Variants in EIF3M observed in about 807,000 individuals in gnomAD.
EIF3M encodes the protein B5 receptor.
A neutral mutation model predicts 49.7 loss-of-function variants in EIF3M; 25 were observed. The ratio of observed to expected loss-of-function variants is 0.50; its 90% CI spans 0.37 to 0.70. The LOEUF is 0.70. Ranked by LOEUF, EIF3M falls within the 30% of genes least tolerant of loss-of-function variation. The pLI, the probability that EIF3M is intolerant of heterozygous loss-of-function variation, is 0.00. For missense variants in EIF3M, 350 were observed against 440.0 expected, an observed-to-expected ratio of 0.80 and a Z score of 1.83; for synonymous variants, 156 against 149.8, an observed-to-expected ratio of 1.04 and a Z score of -0.30.
intron 5 of EIF3M, among the ~76,000 whole-genome samples, chr11:32,590,370 C>A (rs945983415): frequency 2.0e-5 from 3 of 152,148 alleles, no homozygotes; most frequent in Admixed American, 2.0e-4. Context: ...CTCTCTGGCC[C>A]TTTATAGAAC....
chr11:32,597,078 G>GT (rs1855192489), intron 8 of EIF3M, among the ~76,000 whole-genome samples: 1 of 152,134 alleles, frequency 6.6e-6, no homozygotes. Context: ...TGGTACATTT[G>GT]TTTTTAAAAT....
intron 10 of EIF3M, 62 bp downstream of exon 10, chr11:32,601,884 C>A: frequency 6.4e-7 from 1 of 1,554,124 alleles, no homozygotes; most frequent in Non-Finnish European, 8.8e-7. Flanking sequence ...GATTATTTCA[C>A]TTAAATGTTT....
chr11:32,595,838 G>C, intron 7 of EIF3M, 128 bp from the exon 8 acceptor site: 1 of 666,352 alleles, frequency 1.5e-6, no homozygotes, highest in East Asian at 3.2e-5. Context: ...GAAACAGAAT[G>C]ATATTTCTGC....
chr11:32,592,249 C>G, intron 5 of EIF3M: 1 of 422,648 alleles, frequency 2.4e-6, no homozygotes, highest in South Asian at 2.0e-5. Context: ...TTAAAAAGGG[C>G]CCTTTTCACT....
rs994304133 is a variant in EIF3M, at chr11:32,601,792, T to C, written c.974T>C (p.Ile325Thr). Reference sequence around the variant, plus strand: ...AGAACTAAAATGGTCTACTGCAAAATTGATCAGACCCAGAGAAAAGTAGTT... The same window carrying C: ...AGAACTAAAATGGTCTACTGCAAAACTGATCAGACCCAGAGAAAAGTAGTT... ...AVRTKMVYCK[I>T]DQTQRKVVVS... Residue 325 changes from isoleucine to threonine, a missense_variant, in exon 10 of 11, where the codon ATT becomes ACT. Coordinates refer to ENST00000531120, the MANE Select transcript of EIF3M (RefSeq NM_006360.6). 4 of 1,612,830 alleles carry C rather than the reference T, an allele frequency of 2.5e-6. No homozygotes were observed. The highest frequency in any genetic ancestry group is 2.2e-5 in the South Asian group (2 of 91,014).
intron 1 of EIF3M, among the ~76,000 whole-genome samples, chr11:32,586,595 A>T (rs555579729): frequency 9.8e-5 from 15 of 152,342 alleles, no homozygotes; most frequent in African/African-American, 3.4e-4. Flanking sequence ...AGCTGTGGTT[A>T]TGTGTGTACT....
At chr11:32,587,612 T>G (rs1855021345) in intron 2 of EIF3M, among the ~76,000 whole-genome samples, 1 of 152,230 alleles carries the variant, frequency 6.6e-6, no homozygotes, top group Non-Finnish European at 1.5e-5. Context: ...ATTTCTTAAG[T>G]GTTATTACAC....
At chr11:32,598,115 G>C (rs1590527068) in intron 8 of EIF3M, among the ~76,000 whole-genome samples, 1 of 152,150 alleles carries the variant, frequency 6.6e-6, no homozygotes, top group Admixed American at 6.5e-5. Context: ...CTATGTGATG[G>C]AATGTTAATG....
At chr11:32,598,512 C>T (rs1469833520) in intron 8 of EIF3M, among the ~76,000 whole-genome samples, 1 of 151,986 alleles carries the variant, frequency 6.6e-6, no homozygotes, top group East Asian at 1.9e-4. Context: ...ACTTCACTGC[C>T]TTAGTAGTTT....
chr11:32,596,958 T>TC (rs1253349018), intron 8 of EIF3M, among the ~76,000 whole-genome samples: 1 of 152,198 alleles, frequency 6.6e-6, no homozygotes, highest in African/African-American at 2.4e-5. Flanking sequence ...TTGTCTCATT[T>TC]AAGAGCTTGC....
chr11:32,592,720 C>T, intron 5 of EIF3M: 1 of 506,030 alleles, frequency 2.0e-6, no homozygotes, highest in South Asian at 1.4e-5. Flanking sequence ...CTCAGACCAC[C>T]AATAAACAGT....
chr11:32,584,138 G>T (rs1411248976), intron 1 of EIF3M: 2 of 611,302 alleles, frequency 3.3e-6, no homozygotes, highest in Non-Finnish European at 5.7e-6. Context: ...GGGGCCCGAC[G>T]CTTCACCGCC....
At position 32,605,883 on chromosome 11, in the gene EIF3M, C is replaced by A. The variant is rs969656446; in HGVS notation, c.*3484C>A. 4.6e-5 allele frequency: 7 copies of A among 152,146 alleles called. No homozygotes were observed. The highest frequency in any genetic ancestry group is 4.6e-4 in the Admixed American group (7 of 15,284). The allele number at this position is 152,146 out of a possible 1,614,324, so 9.4% of individuals were successfully genotyped here. On this transcript the variant is annotated 3_prime_UTR_variant, in exon 11 of 11. Transcript: ENST00000531120. ...CTTTTTAGAAATTTATCACCTGTTT[C>A]TCTTTCAGCCTGACTTACAAAATCT... is the stretch of plus-strand genomic sequence containing the variant.
In EIF3M at chr11:32,602,681, T is replaced by G. The variant is rs1855289089; in HGVS notation, c.*282T>G. The stretch of plus-strand genomic sequence containing the variant: ...GACAGAAGTAGAGTAATACAATTTC[T>G]TCACATTAGAAAAACTTGGAAAAGC... On this transcript the variant is annotated 3_prime_UTR_variant, in exon 11 of 11. Transcript: ENST00000531120. 3.6e-6 allele frequency: 3 copies of G among 839,122 alleles called. No homozygotes were observed. The Admixed American group carries it at 9.5e-5, about 27-fold the overall frequency. 52.0% of individuals were successfully genotyped at this position (839,122 alleles called of 1,614,324 possible).
chr11:32,602,208 C>A, intron 10 of EIF3M, 71 bp from the exon 11 acceptor site: 3 of 1,572,678 alleles, frequency 1.9e-6, no homozygotes, highest in East Asian at 2.3e-5. Flanking sequence ...GGATTCAAAT[C>A]TGTAGTATTA....
Position 32,604,338 on chromosome 11 carries a change from T to C in EIF3M, c.*1939T>C, listed in dbSNP as rs114189186. On this transcript the variant is annotated 3_prime_UTR_variant, in exon 11 of 11. Coordinates refer to ENST00000531120, the MANE Select transcript of EIF3M (RefSeq NM_006360.6). Reference sequence around the variant, plus strand: ...GCCCAGGCTGGTCTCTCTTAACTCTTGGGCTCAAGTGATCTGACCATCTCG... The same window carrying C: ...GCCCAGGCTGGTCTCTCTTAACTCTCGGGCTCAAGTGATCTGACCATCTCG... The C allele has an allele frequency of 0.015, 2,272 of 152,292 alleles. 60 individuals are homozygous for C. Among genetic ancestry groups the C allele is most frequent in the African/African-American group, 0.051 (2,139 of 41,552 alleles). The allele number at this position is 152,292 out of a possible 1,614,324, so 9.4% of individuals were successfully genotyped here.
chr11:32,595,233 T>C (rs1289632099), intron 7 of EIF3M, among the ~76,000 whole-genome samples: 2 of 143,362 alleles, frequency 1.4e-5, no homozygotes, highest in East Asian at 2.0e-4. Flanking sequence ...TCTTAATTTC[T>C]TTTTTTTTTT....
At chr11:32,599,636 C>T (rs182738662) in intron 8 of EIF3M, among the ~76,000 whole-genome samples, 21 of 151,980 alleles carry the variant, frequency 1.4e-4, no homozygotes, top group Admixed American at 1.3e-3. Context: ...AGAAAAGGAA[C>T]ATGTAAATCT....
chr11:32,591,051 G>T (rs553240739), intron 5 of EIF3M, among the ~76,000 whole-genome samples: 24 of 152,164 alleles, frequency 1.6e-4, no homozygotes, highest in African/African-American at 5.8e-4. Context: ...GAATTTCACC[G>T]TGTTAGTCAG....
Sources: gnomAD v4.1 joint callset for allele counts (sites outside exome capture counted in the v4.1 genomes callset) on GRCh38, gnomAD v4.1.1 for gene constraint, MANE v1.5 for transcripts, NCBI Gene and HGNC (gene_info 2026-07-23, HGNC 2026-07-21) for gene names.